The following ARFGAP3 variants were observed in gnomAD, a reference collection of about 807,000 sequenced individuals.
ARFGAP3 encodes the protein ARF GTPase activating protein 3.
ARFGAP3 carries 72 observed loss-of-function variants against 75.0 expected under a neutral mutation model. The ratio of observed to expected loss-of-function variants is 0.96; its 90% CI spans 0.79 to 1.17. The LOEUF is 1.17. Among genes scored for constraint, ARFGAP3 ranks in the 50% most tolerant of loss-of-function variants. The probability of loss-of-function intolerance (pLI) is 0.00; values close to 1 mark genes in which losing one functional copy is unlikely to be tolerated. For synonymous variants in ARFGAP3, 221 were observed against 217.9 expected (o/e 1.01, Z -0.13); for missense variants, 620 against 626.6 (o/e 0.99, Z 0.11).
intron 9 of ARFGAP3, among the ~76,000 whole-genome samples, chr22:42,821,849 T>C (rs1925825542): frequency 6.6e-6 from 1 of 152,218 alleles, no homozygotes; most frequent in African/African-American, 2.4e-5. Flanking sequence ...CACATTGCCA[T>C]CAGCAATGTA....
intron 2 of ARFGAP3, among the ~76,000 whole-genome samples, chr22:42,846,754 T>C (rs771680470): frequency 2.6e-5 from 4 of 152,210 alleles, no homozygotes; most frequent in African/African-American, 4.8e-5. Flanking sequence ...TTGGAGGACA[T>C]AGGACAGACC....
Position 42,837,675 on chromosome 22 carries a change from C to CTTTTTTTTTTTTTTTTTTTTTTTTTT in ARFGAP3, c.262-2183_262-2182insAAAAAAAAAAAAAAAAAAAAAAAAAA, listed in dbSNP as rs71186547. On this transcript the variant is annotated intron_variant, in intron 3 of 15. Transcript: ENST00000263245. The stretch of plus-strand genomic sequence containing the variant: ...GCCTTGAAACATCTAAGGCATACTT[C>CTTTTTTTTTTTTTTTTTTTTTTTTTT]TTTTTTTTTTTTTTTTTTTTTTGAG... Among the ~76,000 whole-genome samples, 9 of 75,662 alleles carry CTTTTTTTTTTTTTTTTTTTTTTTTTT rather than the reference C, an allele frequency of 1.2e-4. 1 individual carries two copies. The highest frequency in any genetic ancestry group is 1.2e-3 in the East Asian group (2 of 1,628). 49.6% of individuals were successfully genotyped at this position (75,662 alleles called of 152,430 possible).
At chr22:42,807,969 T>C (rs1240900442) in intron 13 of ARFGAP3, among the ~76,000 whole-genome samples, 1 of 151,542 alleles carries the variant, frequency 6.6e-6, no homozygotes, top group Non-Finnish European at 1.5e-5. Flanking sequence ...GGTCTCGAAC[T>C]CCTGGCCTCA....
chr22:42,856,565 C>T (rs1927510260), intron 1 of ARFGAP3, among the ~76,000 whole-genome samples: 1 of 152,196 alleles, frequency 6.6e-6, no homozygotes, highest in South Asian at 2.1e-4. Flanking sequence ...TGTGGTGAGC[C>T]TCCCTGGCCA....
intron 1 of ARFGAP3, among the ~76,000 whole-genome samples, chr22:42,854,512 C>A (rs766181318): frequency 5.9e-5 from 9 of 152,094 alleles, no homozygotes; most frequent in Non-Finnish European, 1.3e-4. Flanking sequence ...GTAGTCCCAG[C>A]TACTCAGGAG....
rs762879193 is a variant in ARFGAP3 at position 42,822,381 on chromosome 22, G to A, written c.701C>T (p.Ala234Val). ...GLGAKKGSLGAQKLANTCFNE... is the reference protein window; with the variant it reads ...GLGAKKGSLGVQKLANTCFNE... Reference sequence around the variant, plus strand: ...AAAGCATGTGTTTGCCAGTTTCTGAGCTCCCAAACTTCCTTTTTTGGCCCC... The same window carrying A: ...AAAGCATGTGTTTGCCAGTTTCTGAACTCCCAAACTTCCTTTTTTGGCCCC... The change falls in exon 9 of 16, where the codon GCT becomes GTT. Residue 234 changes from alanine to valine, a missense_variant. Transcript: ENST00000263245. The A allele has an allele frequency of 6.2e-7, 1 of 1,614,064 alleles. No homozygotes were observed. Among genetic ancestry groups the A allele is most frequent in the Non-Finnish European group, 8.5e-7 (1 of 1,180,012 alleles).
At chr22:42,824,940 A>G (rs1925974621) in intron 7 of ARFGAP3, among the ~76,000 whole-genome samples, 1 of 152,166 alleles carries the variant, frequency 6.6e-6, no homozygotes, top group Non-Finnish European at 1.5e-5. Flanking sequence ...AAAACATGTG[A>G]TATTTGGTTT....
intron 9 of ARFGAP3, among the ~76,000 whole-genome samples, chr22:42,819,753 G>A (rs1569147932): frequency 6.6e-6 from 1 of 152,270 alleles, no homozygotes; most frequent in East Asian, 1.9e-4. Context: ...ACAGTTTACT[G>A]AGCCGAAATA....
chr22:42,839,349 A>G (rs1926678047), intron 3 of ARFGAP3, among the ~76,000 whole-genome samples: 2 of 152,044 alleles, frequency 1.3e-5, no homozygotes, highest in South Asian at 4.1e-4. Context: ...CTGTAATTCC[A>G]GCACTTTGAG....
chr22:42,823,680 C>T lies in ARFGAP3; in HGVS notation c.648G>A (p.Lys216=). 6.4e-7 allele frequency: 1 copy of T among 1,570,304 alleles called. No homozygotes were observed. The highest frequency in any genetic ancestry group is 8.7e-7 in the Non-Finnish European group (1 of 1,154,712). ...CGCCTTTTTTAGCTTGATTTGGTTT[C>T]TTTTTTATGATAGAGGATACCTCTG... The part of the protein sequence containing the change: ...ATLEVSSIIK[K]KPNQAKKGLG... Residue 216 remains lysine (K), a synonymous_variant, in exon 8 of 16, where the codon AAG becomes AAA. Transcript: ENST00000263245.
chr22:42,809,057 C>T lies in ARFGAP3; in HGVS notation c.1197-167G>A, dbSNP rs569414956. 1.6e-5 allele frequency: 8 copies of T among 501,522 alleles called. No homozygotes were observed. In the East Asian group the frequency reaches 1.2e-3, roughly 76 times the overall value. The allele number at this position is 501,522 out of a possible 1,614,324, so 31.1% of individuals were successfully genotyped here. Reference sequence around the variant, plus strand: ...TAATTAAAAAAAAAAGAATAAATACCCAAACGATACAAAATTTGAAGGAAT... The same window carrying T: ...TAATTAAAAAAAAAAGAATAAATACTCAAACGATACAAAATTTGAAGGAAT... On this transcript the variant is annotated intron_variant, in intron 12 of 15. Coordinates refer to ENST00000263245, the MANE Select transcript of ARFGAP3 (RefSeq NM_014570.5).
intron 11 of ARFGAP3, among the ~76,000 whole-genome samples, chr22:42,813,027 A>T (rs954500480): frequency 4.6e-5 from 7 of 152,250 alleles, no homozygotes; most frequent in African/African-American, 1.7e-4. Context: ...AAGATGTGGG[A>T]TGTGTGCTGG....
intron 6 of ARFGAP3, 135 bp downstream of exon 6, chr22:42,831,414 C>G (rs1033800341): frequency 1.3e-6 from 1 of 783,608 alleles, no homozygotes; most frequent in African/African-American, 1.8e-5. Flanking sequence ...TCAGGCGATC[C>G]CCCCGCCTCA....
intron 1 of ARFGAP3, among the ~76,000 whole-genome samples, chr22:42,852,386 G>T (rs760175668): frequency 6.6e-6 from 1 of 151,610 alleles, no homozygotes; most frequent in African/African-American, 2.4e-5. Context: ...TTGAGATAGG[G>T]TCTCGCTCTG....
At chr22:42,847,328 C>T in intron 2 of ARFGAP3, 186 bp downstream of exon 2, 1 of 542,812 alleles carries the variant, frequency 1.8e-6, no homozygotes, top group Non-Finnish European at 3.3e-6. Flanking sequence ...CATCACACCA[C>T]AACATTTTTT....
intron 7 of ARFGAP3, among the ~76,000 whole-genome samples, chr22:42,824,615 T>C (rs1925959979): frequency 6.6e-6 from 1 of 152,074 alleles, no homozygotes; most frequent in East Asian, 1.9e-4. Flanking sequence ...TCCTCCTGCC[T>C]TGGCTTTCTA....
At chr22:42,833,846 G>A (rs1157797549) in intron 5 of ARFGAP3, among the ~76,000 whole-genome samples, 1 of 152,222 alleles carries the variant, frequency 6.6e-6, no homozygotes, top group African/African-American at 2.4e-5. Context: ...AACCCAGGGG[G>A]CAGAGGTTGT....
intron 1 of ARFGAP3, among the ~76,000 whole-genome samples, chr22:42,854,707 C>G (rs533793716): frequency 6.6e-6 from 1 of 152,042 alleles, no homozygotes; most frequent in South Asian, 2.1e-4. Flanking sequence ...ATACATGAGA[C>G]GAAGAAATTG....
At chr22:42,841,867 T>C (rs1329223449) in intron 2 of ARFGAP3, among the ~76,000 whole-genome samples, 2 of 59,384 alleles carry the variant, frequency 3.4e-5, no homozygotes, top group African/African-American at 9.7e-5. Flanking sequence ...ACTAATTTCT[T>C]TTTTTTTTTT....
Sources: gnomAD v4.1 joint callset for allele counts (sites outside exome capture counted in the v4.1 genomes callset) on GRCh38, gnomAD v4.1.1 for gene constraint, MANE v1.5 for transcripts, NCBI Gene and HGNC (gene_info 2026-07-23, HGNC 2026-07-21) for gene names.